The following HS6ST3 variants were observed in gnomAD, a reference collection of about 807,000 sequenced individuals.
HS6ST3 encodes the protein heparan-sulfate 6-O-sulfotransferase 3.
Under a neutral mutation model 36.7 loss-of-function variants are expected in HS6ST3, and 12 were observed. The ratio of observed to expected loss-of-function variants is 0.33; its 90% CI spans 0.21 to 0.53. HS6ST3 has a LOEUF of 0.53. Ranked by LOEUF, HS6ST3 falls within the 20% of genes least tolerant of loss-of-function variation. The pLI is 0.95. For missense variants in HS6ST3, 584 were observed against 640.9 expected, an observed-to-expected ratio of 0.91 and a Z score of 0.96; for synonymous variants, 240 against 257.5, an observed-to-expected ratio of 0.93 and a Z score of 0.65.
At chr13:96,291,610 T>G (rs1369018557) in intron 1 of HS6ST3, among the ~76,000 whole-genome samples, 1 of 152,198 alleles carries the variant, frequency 6.6e-6, no homozygotes, top group East Asian at 1.9e-4. Flanking sequence ...ATAAGATAAA[T>G]GCATTTATTT....
At chr13:96,520,430 A>G (rs2056088538) in intron 1 of HS6ST3, among the ~76,000 whole-genome samples, 1 of 152,198 alleles carries the variant, frequency 6.6e-6, no homozygotes, top group African/African-American at 2.4e-5. Context: ...AATTGAATCT[A>G]TAAATTACTT....
chr13:96,412,172 T>G (rs925834695), intron 1 of HS6ST3, among the ~76,000 whole-genome samples: 5 of 152,046 alleles, frequency 3.3e-5, no homozygotes, highest in Non-Finnish European at 7.4e-5. Flanking sequence ...GCCCAGCTAA[T>G]TTTTGCATTT....
chr13:96,393,399 T>G (rs2055406043), intron 1 of HS6ST3, among the ~76,000 whole-genome samples: 1 of 152,228 alleles, frequency 6.6e-6, no homozygotes, highest in Admixed American at 6.5e-5. Flanking sequence ...TGATGTCCAA[T>G]TTATAATAAC....
chr13:96,636,074 C>A (rs2056548647), intron 1 of HS6ST3, among the ~76,000 whole-genome samples: 1 of 152,164 alleles, frequency 6.6e-6, no homozygotes, highest in South Asian at 2.1e-4. Context: ...CAGACTACTT[C>A]ATCGACAATT....
rs555594603 is a variant in HS6ST3 at position 96,126,053 on chromosome 13, G to A, written c.707+34484G>A. 3.9e-5 allele frequency among the ~76,000 whole-genome samples: 6 copies of A among 152,148 alleles called. No individual in the cohort carries two copies. The South Asian group carries it at 1.2e-3, about 31-fold the overall frequency. ...TGCTAGAACATTTTAGCCAGTGACT[G>A]TGGCTATTTAATTTTAATTCCGTAA... On this transcript the variant is annotated intron_variant, in intron 1 of 1. Transcript: ENST00000376705.
At chr13:96,251,350 T>C (rs1269003047) in intron 1 of HS6ST3, among the ~76,000 whole-genome samples, 2 of 152,194 alleles carry the variant, frequency 1.3e-5, no homozygotes, top group African/African-American at 4.8e-5. Context: ...ATCCATTTTG[T>C]CTAGGTTATC....
At chr13:96,443,301 C>T (rs1053202939) in intron 1 of HS6ST3, among the ~76,000 whole-genome samples, 2 of 151,824 alleles carry the variant, frequency 1.3e-5, no homozygotes, top group East Asian at 1.9e-4. Context: ...GAGGCTGAGG[C>T]GGGCGGATCA....
At chr13:96,145,497 GTTGT>G (rs1328635442) in intron 1 of HS6ST3, among the ~76,000 whole-genome samples, 2 of 152,116 alleles carry the variant, frequency 1.3e-5, no homozygotes, top group African/African-American at 2.4e-5. Flanking sequence ...TTTTGATGGG[GTTGT>G]TTGTTTTTTT....
intron 1 of HS6ST3, among the ~76,000 whole-genome samples, chr13:96,335,223 T>C (rs1460470825): frequency 6.6e-6 from 1 of 152,082 alleles, no homozygotes; most frequent in Non-Finnish European, 1.5e-5. Flanking sequence ...AGGGAGAAGG[T>C]AGAAACGACA....
At chr13:96,130,670 C>A (rs1413304571) in intron 1 of HS6ST3, among the ~76,000 whole-genome samples, 4 of 152,132 alleles carry the variant, frequency 2.6e-5, no homozygotes, top group Non-Finnish European at 5.9e-5. Context: ...CCTATATCCC[C>A]AAATCTGCAT....
intron 1 of HS6ST3, among the ~76,000 whole-genome samples, chr13:96,737,013 G>T (rs957310884): frequency 1.3e-5 from 2 of 151,582 alleles, no homozygotes; most frequent in African/African-American, 4.8e-5. Flanking sequence ...TTCTAACTAA[G>T]AAAAACAAAA....
intron 1 of HS6ST3, among the ~76,000 whole-genome samples, chr13:96,226,278 T>C (rs955828038): frequency 6.6e-6 from 1 of 152,192 alleles, no homozygotes; most frequent in Non-Finnish European, 1.5e-5. Context: ...CTGAACACTT[T>C]GGGATGCCAA....
At chr13:96,613,463 C>T (rs962532804) in intron 1 of HS6ST3, among the ~76,000 whole-genome samples, 4 of 152,206 alleles carry the variant, frequency 2.6e-5, no homozygotes, top group African/African-American at 9.6e-5. Context: ...GTTTCGTTCA[C>T]TGCTTCACTA....
chr13:96,203,553 G>C (rs1205194393), intron 1 of HS6ST3, among the ~76,000 whole-genome samples: 1 of 152,172 alleles, frequency 6.6e-6, no homozygotes, highest in African/African-American at 2.4e-5. Flanking sequence ...GTGTTAATCT[G>C]TTTTAAAATT....
chr13:96,373,090 T>C (rs1271915081), intron 1 of HS6ST3, among the ~76,000 whole-genome samples: 1 of 152,142 alleles, frequency 6.6e-6, no homozygotes, highest in Non-Finnish European at 1.5e-5. Context: ...TTAATCCCTT[T>C]TTCTATCTTC....
chr13:96,807,865 CAA>C (rs59485746), intron 1 of HS6ST3, among the ~76,000 whole-genome samples: 62 of 86,228 alleles, frequency 7.2e-4, no homozygotes, highest in African/African-American at 1.7e-3. Context: ...GACTCCAACT[CAA>C]AAAAAAAAAA....
intron 1 of HS6ST3, among the ~76,000 whole-genome samples, chr13:96,571,087 A>G (rs539857255): frequency 1.3e-5 from 2 of 152,318 alleles, no homozygotes; most frequent in Non-Finnish European, 2.9e-5. Flanking sequence ...GTGCATGGTG[A>G]GAAATTAAGC....
intron 1 of HS6ST3, among the ~76,000 whole-genome samples, chr13:96,661,253 T>C (rs1285285392): frequency 1.3e-5 from 2 of 152,244 alleles, no homozygotes; most frequent in East Asian, 3.9e-4. Flanking sequence ...TCCCCCACCA[T>C]TATTGTATTT....
At chr13:96,656,329 G>A (rs1001088044) in intron 1 of HS6ST3, among the ~76,000 whole-genome samples, 7 of 152,116 alleles carry the variant, frequency 4.6e-5, no homozygotes, top group African/African-American at 1.7e-4. Context: ...TACAAGTTAT[G>A]TATCTTTACA....
Sources: gnomAD v4.1 joint callset for allele counts (sites outside exome capture counted in the v4.1 genomes callset) on GRCh38, gnomAD v4.1.1 for gene constraint, MANE v1.5 for transcripts, NCBI Gene and HGNC (gene_info 2026-07-23, HGNC 2026-07-21) for gene names.